TRPM3: variants seen among roughly 807,000 people sequenced by gnomAD.
TRPM3 encodes transient receptor potential cation channel subfamily M member 3.
In TRPM3, 77 loss-of-function variants were observed where a neutral mutation model predicts 181.2. The observed-to-expected ratio is 0.42, with a 90% CI of 0.35 to 0.51. TRPM3 has a LOEUF of 0.51. Among genes scored for constraint, TRPM3 ranks in the 20% least tolerant of loss-of-function variants. The pLI, the probability that TRPM3 is intolerant of heterozygous loss-of-function variation, is 0.01. For missense variants in TRPM3, 1,759 were observed against 2,196.7 expected (o/e 0.80, Z 3.98); for synonymous variants, 745 against 796.4 (o/e 0.94, Z 1.09).
intron 22 of TRPM3, among the ~76,000 whole-genome samples, chr9:70,565,990 T>C (rs1204034823): frequency 2.6e-5 from 4 of 152,130 alleles, no homozygotes; most frequent in African/African-American, 9.7e-5. Flanking sequence ...GGAGCCCCTA[T>C]TGTGTACCAG....
chr9:71,022,300 T>C (rs368590023), intron 1 of TRPM3, among the ~76,000 whole-genome samples: 3 of 152,190 alleles, frequency 2.0e-5, no homozygotes, highest in Admixed American at 6.5e-5. Flanking sequence ...GAGGAGTGGA[T>C]AGCTTTTTCA....
intron 5 of TRPM3, among the ~76,000 whole-genome samples, chr9:70,829,962 A>G (rs1205562049): frequency 6.6e-6 from 1 of 152,052 alleles, no homozygotes; most frequent in Admixed American, 6.6e-5. Flanking sequence ...CAGCAGAAAG[A>G]CTCTCCTGTT....
chr9:70,601,576 G>A (rs1370172858), intron 20 of TRPM3, among the ~76,000 whole-genome samples: 3 of 152,148 alleles, frequency 2.0e-5, no homozygotes, highest in Admixed American at 1.3e-4. Flanking sequence ...TCACTGAGCC[G>A]CAGAGGAAAA....
intron 1 of TRPM3, among the ~76,000 whole-genome samples, chr9:71,399,339 A>C (rs1014391583): frequency 2.6e-5 from 4 of 152,130 alleles, no homozygotes; most frequent in Non-Finnish European, 4.4e-5. Context: ...TTGCTTTATG[A>C]AGTTCTAAGT....
At chr9:71,194,445 C>T (rs1028495680) in intron 1 of TRPM3, among the ~76,000 whole-genome samples, 9 of 151,958 alleles carry the variant, frequency 5.9e-5, no homozygotes, top group African/African-American at 1.9e-4. Context: ...CAAAAGAATG[C>T]ATTCCACTTC....
At chr9:70,641,624 G>A (rs1436842884) in intron 9 of TRPM3, among the ~76,000 whole-genome samples, 1 of 152,140 alleles carries the variant, frequency 6.6e-6, no homozygotes, top group Non-Finnish European at 1.5e-5. Flanking sequence ...TAAAATTAAA[G>A]TTATAATTCC....
chr9:70,602,106 C>CTTTTTTTTTTTTTTTTTTTTTTT (rs6151027), intron 20 of TRPM3, among the ~76,000 whole-genome samples: 1 of 128,204 alleles, frequency 7.8e-6, no homozygotes, highest in Non-Finnish European at 1.6e-5. Context: ...CAAGGCATTC[C>CTTTTTTTTTTTTTTTTTTTTTTT]TTTTTTTTTT....
rs140832297 is a variant in TRPM3 at position 71,227,365 on chromosome 9, G to A, written c.183+219288C>T. Among the ~76,000 whole-genome samples, 7 of 151,924 alleles carry A rather than the reference G, an allele frequency of 4.6e-5. No individual in the cohort carries two copies. The East Asian group carries it at 1.4e-3, about 29-fold the overall frequency. On this transcript the variant is annotated intron_variant, in intron 1 of 24. Coordinates refer to the TRPM3 transcript ENST00000357533. Reference sequence around the variant, plus strand: ...CAGTGAAAGCAAAACTAAGAGGAAAGTTTATAGCTGTAAGTCCCTACACTG... The same window carrying A: ...CAGTGAAAGCAAAACTAAGAGGAAAATTTATAGCTGTAAGTCCCTACACTG...
chr9:70,753,933 G>A (rs1266370675), intron 8 of TRPM3, among the ~76,000 whole-genome samples: 2 of 152,124 alleles, frequency 1.3e-5, no homozygotes, highest in East Asian at 1.9e-4. Flanking sequence ...GCAGAAGGTG[G>A]TGAACTAGGA....
chr9:70,804,118 G>A (rs886276935), intron 6 of TRPM3, among the ~76,000 whole-genome samples: 1 of 151,908 alleles, frequency 6.6e-6, no homozygotes, highest in African/African-American at 2.4e-5. Flanking sequence ...ATCACTTGAG[G>A]CCACCAGTTC....
intron 1 of TRPM3, among the ~76,000 whole-genome samples, chr9:71,089,842 G>A (rs890927711): frequency 1.5e-4 from 23 of 152,084 alleles, no homozygotes; most frequent in African/African-American, 5.6e-4. Context: ...TGCCATCAGA[G>A]AGAGGAGCTC....
intron 1 of TRPM3, among the ~76,000 whole-genome samples, chr9:71,183,781 C>T (rs1463480406): frequency 6.6e-6 from 1 of 152,002 alleles, no homozygotes; most frequent in African/African-American, 2.4e-5. Context: ...TTCTTCAATT[C>T]TTTAACAGGT....
chr9:71,257,717 G>T (rs543012569), intron 1 of TRPM3, among the ~76,000 whole-genome samples: 1 of 152,268 alleles, frequency 6.6e-6, no homozygotes, highest in East Asian at 1.9e-4. Context: ...GCAAGTGAAT[G>T]TATCTTTGTA....
intron 1 of TRPM3, among the ~76,000 whole-genome samples, chr9:71,312,861 A>C (rs1245889109): frequency 2.6e-5 from 4 of 152,194 alleles, no homozygotes; most frequent in Non-Finnish European, 5.9e-5. Flanking sequence ...CTATGGAGAC[A>C]GTAAAACATC....
chr9:71,386,510 A>G (rs1164347749), intron 1 of TRPM3, among the ~76,000 whole-genome samples: 1 of 152,014 alleles, frequency 6.6e-6, no homozygotes, highest in Non-Finnish European at 1.5e-5. Flanking sequence ...CTGAGTTGGC[A>G]AAACTAATAA....
At chr9:71,023,601 G>A (rs955811661) in intron 1 of TRPM3, among the ~76,000 whole-genome samples, 3 of 151,942 alleles carry the variant, frequency 2.0e-5, no homozygotes, top group Admixed American at 2.0e-4. Context: ...TCAACAGGTG[G>A]CATGTTAAGC....
intron 1 of TRPM3, among the ~76,000 whole-genome samples, chr9:71,350,812 G>A (rs917138126): frequency 6.6e-6 from 1 of 152,072 alleles, no homozygotes; most frequent in Admixed American, 6.6e-5. Flanking sequence ...TTTATCTTTA[G>A]TCATACAGCA....
chr9:70,852,386 G>A (rs2095265068), intron 3 of TRPM3, among the ~76,000 whole-genome samples: 1 of 151,984 alleles, frequency 6.6e-6, no homozygotes, highest in African/African-American at 2.4e-5. Context: ...TCACAGCCCA[G>A]GTCTGACTCC....
At chr9:70,997,578 T>C (rs2097552171) in intron 1 of TRPM3, among the ~76,000 whole-genome samples, 1 of 152,140 alleles carries the variant, frequency 6.6e-6, no homozygotes, top group African/African-American at 2.4e-5. Flanking sequence ...ACCATCTTCA[T>C]TTTTGTTTTC....
Sources: gnomAD v4.1 joint callset for allele counts (sites outside exome capture counted in the v4.1 genomes callset) on GRCh38, gnomAD v4.1.1 for gene constraint, MANE v1.5 for transcripts, NCBI Gene and HGNC (gene_info 2026-07-23, HGNC 2026-07-21) for gene names.